PDZD2: variants seen among roughly 807,000 people sequenced by gnomAD.
PDZD2 encodes the protein PDZ domain-containing protein 2.
In PDZD2, 90 loss-of-function variants were observed where a neutral mutation model predicts 220.7. The ratio of observed to expected loss-of-function variants is 0.41; its 90% CI spans 0.34 to 0.49. The LOEUF (loss-of-function observed/expected upper bound fraction) is 0.49, where lower values mean the gene tolerates loss of function less well. Among genes scored for constraint, PDZD2 ranks in the 20% least tolerant of loss-of-function variants. The pLI, the probability that PDZD2 is intolerant of heterozygous loss-of-function variation, is 0.28. For missense variants in PDZD2, 3,174 were observed against 3,608.5 expected (o/e 0.88, Z 3.08); for synonymous variants, 1,375 against 1,450.5 (o/e 0.95, Z 1.18).
intron 2 of PDZD2, among the ~76,000 whole-genome samples, chr5:31,950,093 C>T (rs1338087950): frequency 1.4e-4 from 22 of 152,170 alleles, no homozygotes; most frequent in Admixed American, 1.3e-3. Context: ...TCTCTTAATG[C>T]AGTCAAAGAT....
At chr5:31,982,148 A>G (rs1750348703) in intron 2 of PDZD2, among the ~76,000 whole-genome samples, 1 of 152,134 alleles carries the variant, frequency 6.6e-6, no homozygotes. Context: ...TGTTTTCCAC[A>G]TTGTCAGTGA....
intron 23 of PDZD2, 121 bp from the exon 24 acceptor site, chr5:32,100,984 A>G (rs1744206838): frequency 3.1e-6 from 5 of 1,594,076 alleles, no homozygotes; most frequent in Non-Finnish European, 3.4e-6. Context: ...GCCCCAGGGT[A>G]GATGGGACTT....
At chr5:31,768,110 C>G (rs940650299) in intron 1 of PDZD2, among the ~76,000 whole-genome samples, 1 of 152,168 alleles carries the variant, frequency 6.6e-6, no homozygotes, top group African/African-American at 2.4e-5. Flanking sequence ...GAACTGGGAC[C>G]TGGAGTTAGG....
intron 1 of PDZD2, among the ~76,000 whole-genome samples, chr5:31,743,428 G>C (rs914470631): frequency 6.6e-6 from 1 of 152,082 alleles, no homozygotes; most frequent in Admixed American, 6.6e-5. Context: ...AAAGTGCTGG[G>C]ACTACAGACG....
chr5:32,051,625 G>C (rs1174645980), intron 8 of PDZD2, among the ~76,000 whole-genome samples: 1 of 152,186 alleles, frequency 6.6e-6, no homozygotes, highest in Non-Finnish European at 1.5e-5. Flanking sequence ...ATCTCTTTAT[G>C]TTCTAAGGAG....
chr5:31,778,009 G>C (rs187338656), intron 1 of PDZD2, among the ~76,000 whole-genome samples: 1 of 152,012 alleles, frequency 6.6e-6, no homozygotes, highest in African/African-American at 2.4e-5. Context: ...TGAGCACTCT[G>C]TGTCTAGCTC....
intron 2 of PDZD2, among the ~76,000 whole-genome samples, chr5:31,890,830 C>G (rs1405422592): frequency 6.6e-6 from 1 of 152,176 alleles, no homozygotes; most frequent in Non-Finnish European, 1.5e-5. Flanking sequence ...TCTTGGCCGC[C>G]TTTGCATGGC....
At chr5:31,790,335 T>G (rs1341700102) in intron 1 of PDZD2, among the ~76,000 whole-genome samples, 33 of 152,190 alleles carry the variant, frequency 2.2e-4, no homozygotes, top group Non-Finnish European at 1.5e-5. Flanking sequence ...TGACCTCAGG[T>G]GATCCTCCCA....
intron 1 of PDZD2, among the ~76,000 whole-genome samples, chr5:31,787,050 G>C (rs942985959): frequency 6.6e-6 from 1 of 152,176 alleles, no homozygotes; most frequent in Non-Finnish European, 1.5e-5. Context: ...TGATCTACTG[G>C]GTTGTGAATG....
intron 1 of PDZD2, among the ~76,000 whole-genome samples, chr5:31,716,951 G>A (rs1748487252): frequency 6.6e-6 from 1 of 152,130 alleles, no homozygotes; most frequent in Non-Finnish European, 1.5e-5. Context: ...TTGGGGTGGG[G>A]TGGCGGTGAG....
chr5:32,019,829 A>G (rs1754056872), intron 6 of PDZD2, among the ~76,000 whole-genome samples: 1 of 152,146 alleles, frequency 6.6e-6, no homozygotes, highest in Non-Finnish European at 1.5e-5. Flanking sequence ...TTATGAACAT[A>G]ATATGTAGAA....
At chr5:32,059,422 T>A in intron 13 of PDZD2, 66 bp downstream of exon 13, 2 of 762,070 alleles carry the variant, frequency 2.6e-6, no homozygotes, top group South Asian at 1.8e-5. Context: ...ACACGTGTGA[T>A]ATTTGTTCTA....
At chr5:31,826,447 T>C (rs10038144) in intron 2 of PDZD2, among the ~76,000 whole-genome samples, 67,083 of 151,692 alleles carry the variant, frequency 0.44, 15,140 homozygotes, top group Non-Finnish European at 0.49. Flanking sequence ...CCGAGGCGGG[T>C]GGATCATTTG....
intron 1 of PDZD2, among the ~76,000 whole-genome samples, chr5:31,759,940 A>G (rs1751532143): frequency 6.6e-6 from 1 of 152,214 alleles, no homozygotes; most frequent in Non-Finnish European, 1.5e-5. Flanking sequence ...AAAAATGAAT[A>G]CATGTATTAT....
At chr5:31,912,613 A>G (rs1052119606) in intron 2 of PDZD2, among the ~76,000 whole-genome samples, 2 of 152,210 alleles carry the variant, frequency 1.3e-5, no homozygotes, top group African/African-American at 4.8e-5. Flanking sequence ...ACGCTAGAGA[A>G]GGTTCGCCTT....
chr5:31,970,409 A>C (rs1213813378), intron 2 of PDZD2, among the ~76,000 whole-genome samples: 1 of 152,124 alleles, frequency 6.6e-6, no homozygotes, highest in South Asian at 2.1e-4. Flanking sequence ...TAATCCCAGC[A>C]CTTAGGGAAG....
chr5:31,988,570 C>T (rs540369538), intron 3 of PDZD2, among the ~76,000 whole-genome samples: 5 of 152,136 alleles, frequency 3.3e-5, no homozygotes, highest in African/African-American at 7.2e-5. Flanking sequence ...ATCCTGAAGG[C>T]ATGATCATTT....
intron 1 of PDZD2, among the ~76,000 whole-genome samples, chr5:31,773,290 A>C (rs1752440470): frequency 6.6e-6 from 1 of 152,176 alleles, no homozygotes; most frequent in African/African-American, 2.4e-5. Context: ...ATGGGAGCTC[A>C]AGTTTCATTC....
At chr5:31,854,486 C>T (rs1027868620) in intron 2 of PDZD2, among the ~76,000 whole-genome samples, 2 of 152,222 alleles carry the variant, frequency 1.3e-5, no homozygotes, top group Non-Finnish European at 2.9e-5. Flanking sequence ...TGACATCCTG[C>T]CCCATACGAT....
Sources: gnomAD v4.1 joint callset for allele counts (sites outside exome capture counted in the v4.1 genomes callset) on GRCh38, gnomAD v4.1.1 for gene constraint, MANE v1.5 for transcripts, NCBI Gene and HGNC (gene_info 2026-07-23, HGNC 2026-07-21) for gene names.